Variants in NAP1L4 observed in about 807,000 individuals in gnomAD.
NAP1L4 encodes the protein nucleosome assembly protein 1 like 4.
Under a neutral mutation model 58.2 loss-of-function variants are expected in NAP1L4, and 15 were observed. That is an observed-to-expected ratio of 0.26 (90% CI 0.17 to 0.40). The LOEUF (loss-of-function observed/expected upper bound fraction) is 0.40, where lower values mean the gene tolerates loss of function less well. Among genes scored for constraint, NAP1L4 ranks in the 10% least tolerant of loss-of-function variants. The pLI, the probability that NAP1L4 is intolerant of heterozygous loss-of-function variation, is 1.00. For missense variants in NAP1L4, 384 were observed against 451.1 expected (o/e 0.85, Z 1.35); for synonymous variants, 171 against 155.6 (o/e 1.10, Z -0.74).
At chr11:2,963,718 C>T in intron 8 of NAP1L4, 1 of 518,222 alleles carries the variant, frequency 1.9e-6, no homozygotes, top group Non-Finnish European at 3.9e-6. Flanking sequence ...GCCCCAGGCC[C>T]CTACCACCAT....
At chr11:2,976,568 C>G (rs1847977073) in intron 3 of NAP1L4, among the ~76,000 whole-genome samples, 1 of 152,208 alleles carries the variant, frequency 6.6e-6, no homozygotes. Flanking sequence ...ACTTCACAGT[C>G]CAGGAGAGCC....
At chr11:2,979,928 C>A (rs1453599180) in intron 1 of NAP1L4, among the ~76,000 whole-genome samples, 1 of 152,098 alleles carries the variant, frequency 6.6e-6, no homozygotes, top group Admixed American at 6.6e-5. Context: ...TAAGTCAAAG[C>A]ATTTACTGGT....
intron 12 of NAP1L4, chr11:2,952,729 C>G (rs1183318235): frequency 6.6e-6 from 1 of 152,314 alleles, no homozygotes; most frequent in Non-Finnish European, 1.5e-5. Flanking sequence ...CATTTCACGT[C>G]AGATCCAACG....
intron 10 of NAP1L4, among the ~76,000 whole-genome samples, chr11:2,956,516 C>CT (rs1846547979): frequency 6.6e-6 from 1 of 152,242 alleles, no homozygotes; most frequent in South Asian, 2.1e-4. Flanking sequence ...GCTCTCCTCT[C>CT]TGAGTCTCCC....
chr11:2,973,408 G>C (rs1847763704), intron 4 of NAP1L4, among the ~76,000 whole-genome samples: 1 of 151,992 alleles, frequency 6.6e-6, no homozygotes, highest in Non-Finnish European at 1.5e-5. Flanking sequence ...ATCTACCTGG[G>C]GCAGGGCCCT....
At chr11:2,978,647 C>T (rs956696038) in intron 2 of NAP1L4, among the ~76,000 whole-genome samples, 2 of 152,150 alleles carry the variant, frequency 1.3e-5, no homozygotes, top group Non-Finnish European at 2.9e-5. Flanking sequence ...AAATCTGCTC[C>T]CAGCCCTCAA....
chr11:2,978,319 T>C lies in NAP1L4; in HGVS notation c.38A>G (p.Asp13Gly). Residue 13 changes from aspartate to glycine, a missense_variant, in exon 3 of 16, where the codon GAT (aspartate) becomes GGT (glycine). Coordinates refer to ENST00000380542, the MANE Select transcript of NAP1L4 (RefSeq NM_005969.4). The stretch of plus-strand genomic sequence containing the variant: ...TGCATTTTTAGCAGCTTCCACGGAA[T>C]CTGAAGGAACCCCATCTGAAAAACT... ...DHSFSDGVPS[D>G]SVEAAKNASN... The C allele has an allele frequency of 6.2e-7, 1 of 1,614,032 alleles. No homozygotes were observed. Among genetic ancestry groups the C allele is most frequent in the Non-Finnish European group, 8.5e-7 (1 of 1,179,944 alleles).
intron 10 of NAP1L4, among the ~76,000 whole-genome samples, chr11:2,956,165 A>C (rs1846529127): frequency 6.6e-6 from 1 of 152,236 alleles, no homozygotes; most frequent in Non-Finnish European, 1.5e-5. Context: ...TGGTGCAGGA[A>C]AGAGAAAGTC....
chr11:2,986,247 G>A (rs1253934163), intron 1 of NAP1L4, among the ~76,000 whole-genome samples: 9 of 152,110 alleles, frequency 5.9e-5, no homozygotes, highest in African/African-American at 2.4e-5. Flanking sequence ...GGTGGCACAC[G>A]CCTGAGGTCC....
At chr11:2,964,592 G>T in intron 8 of NAP1L4, 88 bp downstream of exon 8, 1 of 1,101,884 alleles carries the variant, frequency 9.1e-7, no homozygotes, top group African/African-American at 1.6e-5. Context: ...TGTGGGTTTT[G>T]TGGGTTTCTT....
intron 1 of NAP1L4, among the ~76,000 whole-genome samples, chr11:2,985,317 TTTTG>T (rs1165876244): frequency 2.6e-5 from 4 of 152,228 alleles, no homozygotes; most frequent in African/African-American, 9.6e-5. Flanking sequence ...CACAAATTAT[TTTTG>T]TTTATCAATC....
In NAP1L4 at chr11:2,955,410, T is replaced by C. The variant is rs1846478186; in HGVS notation, c.915+334A>G. ...AAGCAGAAACGGGGTTTCACCATGTTGACCAGACTGGTCTTGAACTCCTGA... is the reference window on the plus strand; with the variant it reads ...AAGCAGAAACGGGGTTTCACCATGTCGACCAGACTGGTCTTGAACTCCTGA... On this transcript the variant is annotated intron_variant, in intron 11 of 15. Coordinates refer to ENST00000380542, the MANE Select transcript of NAP1L4 (RefSeq NM_005969.4). This position sits in a 1 kb window ranked among gnomAD's most constrained non-coding sequence, Gnocchi z 4.2. 6.6e-6 allele frequency among the ~76,000 whole-genome samples: 1 copy of C among 152,088 alleles called. No individual in the cohort carries two copies. Among genetic ancestry groups the C allele is most frequent in the Non-Finnish European group, 1.5e-5 (1 of 68,016 alleles).
chr11:2,956,374 C>T (rs1378735529), intron 10 of NAP1L4, among the ~76,000 whole-genome samples: 2 of 152,154 alleles, frequency 1.3e-5, no homozygotes, highest in Non-Finnish European at 2.9e-5. Flanking sequence ...CTCAATGAAG[C>T]TGTGCAACGT....
intron 8 of NAP1L4, among the ~76,000 whole-genome samples, chr11:2,961,143 G>A (rs1047601556): frequency 2.0e-5 from 3 of 151,880 alleles, no homozygotes; most frequent in Admixed American, 6.6e-5. Flanking sequence ...AAATTAAGAG[G>A]ACTAAAAAAA....
Position 2,971,644 on chromosome 11 carries a change from T to C in NAP1L4, c.316-110A>G. 1 of 832,670 alleles carries C rather than the reference T, an allele frequency of 1.2e-6. No individual in the cohort carries two copies. The highest frequency in any genetic ancestry group is 2.7e-5 in the East Asian group (1 of 36,950). 51.6% of individuals were successfully genotyped at this position (832,670 alleles called of 1,614,324 possible). Reference sequence around the variant, plus strand: ...AAAGACTTTGAAAACTGGATATTTTTATAACTTATTTTAAGATTCTAAATT... The same window carrying C: ...AAAGACTTTGAAAACTGGATATTTTCATAACTTATTTTAAGATTCTAAATT... On this transcript the variant is annotated intron_variant, in intron 5 of 15. Coordinates refer to ENST00000380542, the MANE Select transcript of NAP1L4 (RefSeq NM_005969.4). This position sits in a 1 kb window ranked among gnomAD's most constrained non-coding sequence, Gnocchi z 4.2.
At chr11:2,974,227 C>A (rs1044982987) in intron 4 of NAP1L4, among the ~76,000 whole-genome samples, 2 of 152,086 alleles carry the variant, frequency 1.3e-5, no homozygotes, top group Non-Finnish European at 2.9e-5. Context: ...GTGTGCTGCA[C>A]CCATTAACTC....
At position 2,964,687 on chromosome 11, in the gene NAP1L4, T is replaced by G; in HGVS notation, c.599A>C (p.Gln200Pro). The G allele has an allele frequency of 6.2e-7, 1 of 1,613,708 alleles. No individual in the cohort carries two copies. Among genetic ancestry groups the G allele is most frequent in the Non-Finnish European group, 8.5e-7 (1 of 1,179,628 alleles). ...GGTCAAGTCAGTACTCACCATAGGC[T>G]GTCCAGGGTCAGAAAATTTCACTTT... is the stretch of plus-strand genomic sequence containing the variant. The part of the protein sequence containing the change: ...DIKVKFSDPG[Q>P]PMSFVLEFHF... Residue 200 changes from glutamine (Q) to proline (P), a missense_variant, in exon 8 of 16, where the codon CAG becomes CCG. This residue lies in a region of NAP1L4 where 296 missense variants were observed against 360.8 expected (regional missense o/e 0.82). Coordinates refer to ENST00000380542, the MANE Select transcript of NAP1L4 (RefSeq NM_005969.4).
rs113393795 is a variant in NAP1L4 at position 2,987,502 on chromosome 11, T to C, written c.-18+4752A>G. 1.8e-3 allele frequency among the ~76,000 whole-genome samples: 276 copies of C among 151,116 alleles called. 1 individual carries two copies. The highest frequency in any genetic ancestry group is 6.5e-3 in the African/African-American group (267 of 41,314). ...TGGGCACGGTGGCTCACGCCTGTAATCCCAGCACTTTGAGAGGCCCAGGTG... is the reference window on the plus strand; with the variant it reads ...TGGGCACGGTGGCTCACGCCTGTAACCCCAGCACTTTGAGAGGCCCAGGTG... On this transcript the variant is annotated intron_variant, in intron 1 of 15. Coordinates refer to ENST00000380542, the MANE Select transcript of NAP1L4 (RefSeq NM_005969.4).
At chr11:2,974,263 A>C (rs1847823826) in intron 4 of NAP1L4, among the ~76,000 whole-genome samples, 1 of 152,194 alleles carries the variant, frequency 6.6e-6, no homozygotes, top group African/African-American at 2.4e-5. Context: ...GATGTTAAAC[A>C]AACTGGACCC....
Sources: allele counts gnomAD v4.1 joint callset (sites outside exome capture counted in the v4.1 genomes callset), GRCh38; gene constraint gnomAD v4.1.1; regional missense constraint gnomAD v4.1.1; non-coding constraint Gnocchi (gnomAD v3.1); transcripts MANE v1.5; gene names NCBI Gene and HGNC (gene_info 2026-07-23, HGNC 2026-07-21).